The following NTNG1 variants were observed in gnomAD, a reference collection of about 807,000 sequenced individuals.
The protein encoded by NTNG1 is netrin G1.
In NTNG1, 16 loss-of-function variants were observed where a neutral mutation model predicts 54.0. The observed-to-expected ratio is 0.30, with a 90% CI of 0.20 to 0.45. The LOEUF (loss-of-function observed/expected upper bound fraction) is 0.45. NTNG1 is among the 20% of genes least tolerant of loss of function. The probability of loss-of-function intolerance (pLI) is 1.00; values close to 1 mark genes in which losing one functional copy is unlikely to be tolerated. For missense variants in NTNG1, 530 were observed against 678.7 expected, an observed-to-expected ratio of 0.78 and a Z score of 2.43; for synonymous variants, 255 against 263.1, an observed-to-expected ratio of 0.97 and a Z score of 0.30.
At chr1:107,354,002 C>A (rs543743056) in intron 3 of NTNG1, among the ~76,000 whole-genome samples, 1 of 152,256 alleles carries the variant, frequency 6.6e-6, no homozygotes, top group East Asian at 1.9e-4. Flanking sequence ...CCCAATGATC[C>A]AATCACCTCC....
intron 2 of NTNG1, among the ~76,000 whole-genome samples, chr1:107,242,608 C>T (rs1661917244): frequency 6.6e-6 from 1 of 152,120 alleles, no homozygotes; most frequent in African/African-American, 2.4e-5. Context: ...AATGAACATA[C>T]CTAAAGCTTT....
At chr1:107,261,927 A>G (rs924907160) in intron 2 of NTNG1, among the ~76,000 whole-genome samples, 2 of 152,242 alleles carry the variant, frequency 1.3e-5, no homozygotes, top group African/African-American at 4.8e-5. Context: ...ATGTAAGGTA[A>G]ACACAAAGTT....
At chr1:107,172,474 G>A (rs376896260) in intron 2 of NTNG1, among the ~76,000 whole-genome samples, 88 of 152,160 alleles carry the variant, frequency 5.8e-4, no homozygotes, top group African/African-American at 2.0e-3. Context: ...TACAAAATCC[G>A]TCCAAAGTCC....
chr1:107,354,804 G>T (rs34240623), intron 3 of NTNG1, among the ~76,000 whole-genome samples: 13,740 of 152,142 alleles, frequency 0.09, 737 homozygotes, highest in Admixed American at 0.14. Context: ...CTCTCAGAGA[G>T]CCCTTTTGTG....
At chr1:107,320,087 A>T (rs1196308884) in intron 2 of NTNG1, among the ~76,000 whole-genome samples, 1 of 152,150 alleles carries the variant, frequency 6.6e-6, no homozygotes, top group Non-Finnish European at 1.5e-5. Flanking sequence ...GCTAATTAAT[A>T]ACTACAATTC....
rs547912029 is a variant in NTNG1 at position 107,357,249 on chromosome 1, C to T, written c.887+32327C>T. On this transcript the variant is annotated intron_variant, in intron 3 of 7. Transcript: ENST00000370068. ...AGTACTATTTGAAAGAAATTATTTT[C>T]TGCTGACCTGATCCTCATTGAGCCA... 1.1e-4 allele frequency among the ~76,000 whole-genome samples: 15 copies of T among 139,612 alleles called. 1 individual carries two copies. In the East Asian group the frequency reaches 2.2e-3, roughly 21 times the overall value. The allele number at this position is 139,612 out of a possible 152,430, so 91.6% of individuals were successfully genotyped here.
chr1:107,348,484 C>G (rs1203385289), intron 3 of NTNG1, among the ~76,000 whole-genome samples: 1 of 152,078 alleles, frequency 6.6e-6, no homozygotes, highest in Non-Finnish European at 1.5e-5. Context: ...CCATATTAAG[C>G]CATTTTCCTT....
intron 2 of NTNG1, among the ~76,000 whole-genome samples, chr1:107,240,275 ATTT>A (rs758253251): frequency 1.6e-4 from 23 of 145,722 alleles, no homozygotes; most frequent in African/African-American, 5.8e-4. Context: ...GAATATCCTT[ATTT>A]TTTTTTTTTT....
chr1:107,259,889 C>A (rs757762757), intron 2 of NTNG1, among the ~76,000 whole-genome samples: 11 of 152,126 alleles, frequency 7.2e-5, no homozygotes, highest in Admixed American at 2.0e-4. Flanking sequence ...AAATAGATTT[C>A]AGCATTCTGT....
At chr1:107,190,822 A>G (rs1657853745) in intron 2 of NTNG1, among the ~76,000 whole-genome samples, 3 of 152,090 alleles carry the variant, frequency 2.0e-5, no homozygotes. Context: ...AATCCAGTCT[A>G]TCGTTGTTGG....
chr1:107,280,596 G>C (rs1245815623), intron 2 of NTNG1, among the ~76,000 whole-genome samples: 1 of 140,668 alleles, frequency 7.1e-6, no homozygotes, highest in Non-Finnish European at 1.5e-5. Flanking sequence ...TTGGGAAGTT[G>C]GCATGGCTTT....
At chr1:107,407,474 G>T in intron 4 of NTNG1, among the ~76,000 whole-genome samples, 1 of 151,062 alleles carries the variant, frequency 6.6e-6, no homozygotes, top group Admixed American at 6.7e-5. Flanking sequence ...GAAACAAAAT[G>T]GTTTCAATTG....
At chr1:107,166,190 G>A (rs1655780359) in intron 2 of NTNG1, among the ~76,000 whole-genome samples, 1 of 152,180 alleles carries the variant, frequency 6.6e-6, no homozygotes, top group Admixed American at 6.5e-5. Context: ...GCTAAGCTTT[G>A]AGAAAAAAGT....
intron 7 of NTNG1, among the ~76,000 whole-genome samples, chr1:107,476,454 A>G (rs953831154): frequency 6.6e-6 from 1 of 152,232 alleles, no homozygotes; most frequent in African/African-American, 2.4e-5. Flanking sequence ...AAACAGCTGC[A>G]GAAGAACCTT....
At chr1:107,283,689 A>G (rs1409691148) in intron 2 of NTNG1, among the ~76,000 whole-genome samples, 1 of 152,130 alleles carries the variant, frequency 6.6e-6, no homozygotes, top group Non-Finnish European at 1.5e-5. Context: ...TCCAATTTAC[A>G]CACTGTTGCC....
At chr1:107,163,875 G>A (rs961002992) in intron 2 of NTNG1, among the ~76,000 whole-genome samples, 6 of 152,084 alleles carry the variant, frequency 3.9e-5, no homozygotes, top group Admixed American at 3.3e-4. Flanking sequence ...TCTCATAAAG[G>A]CATAGCAAGT....
chr1:107,150,323 G>A (rs115103056), intron 2 of NTNG1, among the ~76,000 whole-genome samples: 6 of 152,250 alleles, frequency 3.9e-5, no homozygotes, highest in Non-Finnish European at 5.9e-5. Context: ...ATCAGTACAG[G>A]AGCAGAGACA....
intron 2 of NTNG1, among the ~76,000 whole-genome samples, chr1:107,281,918 G>A (rs1664887983): frequency 6.6e-6 from 1 of 152,178 alleles, no homozygotes; most frequent in East Asian, 1.9e-4. Context: ...ATCACAGACA[G>A]GTAACAGTTT....
intron 4 of NTNG1, among the ~76,000 whole-genome samples, chr1:107,407,172 A>C (rs1304368891): frequency 6.6e-6 from 1 of 152,166 alleles, no homozygotes; most frequent in African/African-American, 2.4e-5. Context: ...TGGTTATATG[A>C]AATTAATCAA....
Sources: allele counts gnomAD v4.1 joint callset (sites outside exome capture counted in the v4.1 genomes callset), GRCh38; gene constraint gnomAD v4.1.1; transcripts MANE v1.5; gene names NCBI Gene and HGNC (gene_info 2026-07-23, HGNC 2026-07-21).